Variants in RAD54L2 observed in about 807,000 individuals in gnomAD.
The protein encoded by RAD54L2 is RAD54 like 2, also known as helicase ARIP4.
RAD54L2 carries 27 observed loss-of-function variants against 138.4 expected under a neutral mutation model. That is an observed-to-expected ratio of 0.20 (90% CI 0.14 to 0.27). RAD54L2 has a LOEUF of 0.27. RAD54L2 is among the 10% of genes least tolerant of loss of function. The pLI is 1.00. For missense variants in RAD54L2, 1,396 were observed against 1,890.2 expected (o/e 0.74, Z 4.85); for synonymous variants, 644 against 723.2 (o/e 0.89, Z 1.76).
rs144227034 is a variant in RAD54L2, at chr3:51,561,350, A to T, written c.-55+19700A>T. ...AACCTCCACCTCCTGGGTTCAAGTG[A>T]TTCTCCTGCCTCAGCCTCCCAAGTA... On this transcript the variant is annotated intron_variant, in intron 2 of 22. Coordinates refer to ENST00000684192, the MANE Select transcript of RAD54L2 (RefSeq NM_015106.4). Among the ~76,000 whole-genome samples, 61 of 152,236 alleles carry T rather than the reference A, an allele frequency of 4.0e-4. No individual in the cohort carries two copies. In the East Asian group the frequency reaches 0.011, roughly 28 times the overall value.
At chr3:51,564,030 A>G (rs1337709579) in intron 2 of RAD54L2, among the ~76,000 whole-genome samples, 2 of 152,200 alleles carry the variant, frequency 1.3e-5, no homozygotes, top group Non-Finnish European at 2.9e-5. Context: ...TTAGGTATCA[A>G]TGGGCTTTTC....
chr3:51,654,596 A>ATGGTCTC (rs1701549849), intron 19 of RAD54L2, among the ~76,000 whole-genome samples: 1 of 152,142 alleles, frequency 6.6e-6, no homozygotes, highest in African/African-American at 2.4e-5. Flanking sequence ...TTGCTCAGGA[A>ATGGTCTC]TGGTCTCTTC....
chr3:51,586,146 GAGA>G (rs1699702957), intron 2 of RAD54L2, among the ~76,000 whole-genome samples: 2 of 151,966 alleles, frequency 1.3e-5, no homozygotes, highest in Admixed American at 1.3e-4. Flanking sequence ...GAGCCCCTTA[GAGA>G]AGAATACAGT....
At position 51,638,399 on chromosome 3, in the gene RAD54L2, G is replaced by A. The variant is rs1269556110; in HGVS notation, c.1860+78G>A. 1 of 1,536,366 alleles carries A rather than the reference G, an allele frequency of 6.5e-7. No homozygotes were observed. Among genetic ancestry groups the A allele is most frequent in the Non-Finnish European group, 8.9e-7 (1 of 1,122,618 alleles). ...CCCAAGGGAGTTACTCCTACTGAGA[G>A]TCTTCAATAAAGGGAGAATAAAGTG... On this transcript the variant is annotated intron_variant, in intron 12 of 22. Transcript: ENST00000684192. This position sits in a 1 kb window ranked among gnomAD's most constrained non-coding sequence, Gnocchi z 4.3.
intron 2 of RAD54L2, among the ~76,000 whole-genome samples, chr3:51,566,466 G>C (rs1175341055): frequency 3.2e-5 from 1 of 31,514 alleles, no homozygotes; most frequent in Non-Finnish European, 5.5e-5. Context: ...CCTTTTCTGC[G>C]TTTTTTTTTT....
rs1700807143 is a variant in RAD54L2, at chr3:51,630,396, C to G, written c.598+8C>G. On this transcript the variant is annotated splice_region_variant and intron_variant, in intron 6 of 22. Transcript: ENST00000684192. ...AAAAAAGCAGTCGAGATGGTAAGAT[C>G]AAACCAGGTGCCTCCCTTTCTTCCG... 3 of 1,607,804 alleles carry G rather than the reference C, an allele frequency of 1.9e-6. No individual in the cohort carries two copies. The highest frequency in any genetic ancestry group is 2.6e-6 in the Non-Finnish European group (3 of 1,174,620).
chr3:51,611,841 C>G (rs908029935), intron 3 of RAD54L2, among the ~76,000 whole-genome samples: 4 of 152,064 alleles, frequency 2.6e-5, no homozygotes, highest in African/African-American at 9.7e-5. Context: ...CAGGTGTGAG[C>G]CACCGCGCCT....
chr3:51,633,854 C>G (rs777931887), intron 8 of RAD54L2, 48 bp from the exon 9 acceptor site: 1 of 1,607,042 alleles, frequency 6.2e-7, no homozygotes, highest in Admixed American at 1.7e-5. Flanking sequence ...GAGCTCAGCT[C>G]TGAGTTTGTT....
intron 3 of RAD54L2, chr3:51,611,616 A>G: frequency 6.6e-6 from 1 of 150,458 alleles, no homozygotes; most frequent in Non-Finnish European, 1.5e-5. Context: ...GCTGGAGTGC[A>G]GTGGCACAGT....
intron 3 of RAD54L2, among the ~76,000 whole-genome samples, chr3:51,606,641 C>T (rs967616566): frequency 6.6e-6 from 1 of 152,048 alleles, no homozygotes; most frequent in Admixed American, 6.6e-5. Flanking sequence ...AATTTTATAT[C>T]ACCCTATGGA....
intron 3 of RAD54L2, among the ~76,000 whole-genome samples, chr3:51,620,972 T>C (rs1700557469): frequency 6.6e-6 from 1 of 152,112 alleles, no homozygotes; most frequent in South Asian, 2.1e-4. Context: ...AGTTACATTA[T>C]TTTGCTTAGG....
At chr3:51,625,688 G>A (rs1222485870) in intron 3 of RAD54L2, among the ~76,000 whole-genome samples, 2 of 151,558 alleles carry the variant, frequency 1.3e-5, no homozygotes, top group Non-Finnish European at 2.9e-5. Context: ...TCGAGACCTT[G>A]TCTCTACAAA....
intron 3 of RAD54L2, among the ~76,000 whole-genome samples, chr3:51,626,692 G>A (rs1425160918): frequency 2.6e-5 from 4 of 151,444 alleles, no homozygotes; most frequent in African/African-American, 4.9e-5. Context: ...TGATCCTCCC[G>A]CCTCAGCCTA....
chr3:51,595,936 CTT>C (rs200140512), intron 3 of RAD54L2, among the ~76,000 whole-genome samples: 24 of 128,254 alleles, frequency 1.9e-4, no homozygotes, highest in Non-Finnish European at 2.8e-4. Flanking sequence ...ATTCAGTCTT[CTT>C]TTTTTTTTTT....
intron 3 of RAD54L2, among the ~76,000 whole-genome samples, chr3:51,615,164 C>A (rs889765095): frequency 6.6e-6 from 1 of 152,112 alleles, no homozygotes; most frequent in Non-Finnish European, 1.5e-5. Flanking sequence ...CAGGCACCCA[C>A]GACCATGCCT....
intron 2 of RAD54L2, among the ~76,000 whole-genome samples, chr3:51,574,600 TGATG>T (rs1699421631): frequency 6.6e-6 from 1 of 152,238 alleles, no homozygotes; most frequent in Non-Finnish European, 1.5e-5. Context: ...TGGCCAGTGA[TGATG>T]AGCATTTTTT....
intron 18 of RAD54L2, 47 bp from the exon 19 acceptor site, chr3:51,646,238 C>T: frequency 3.3e-6 from 5 of 1,499,022 alleles, no homozygotes; most frequent in Non-Finnish European, 4.5e-6. Flanking sequence ...GGCTCATTAT[C>T]TATCAGCCAT....
chr3:51,623,083 T>C (rs555917534), intron 3 of RAD54L2, among the ~76,000 whole-genome samples: 3 of 152,242 alleles, frequency 2.0e-5, no homozygotes, highest in Non-Finnish European at 4.4e-5. Context: ...CTAGCAGATG[T>C]TCATATGTGT....
chr3:51,589,534 CA>C (rs1186909979), intron 2 of RAD54L2, among the ~76,000 whole-genome samples: 3 of 152,148 alleles, frequency 2.0e-5, no homozygotes, highest in African/African-American at 7.2e-5. Context: ...TGTTACTCAG[CA>C]TTGCCAGAGA....
Sources: gnomAD v4.1 joint callset for allele counts (sites outside exome capture counted in the v4.1 genomes callset) on GRCh38, gnomAD v4.1.1 for gene constraint, Gnocchi (gnomAD v3.1) non-coding constraint, MANE v1.5 for transcripts, NCBI Gene and HGNC (gene_info 2026-07-23, HGNC 2026-07-21) for gene names.